SMYD3: variants seen among roughly 807,000 people sequenced by gnomAD.
The protein encoded by SMYD3 is histone-lysine N-methyltransferase SMYD3.
SMYD3 carries 36 observed loss-of-function variants against 57.7 expected under a neutral mutation model. The ratio of observed to expected loss-of-function variants is 0.62; its 90% CI spans 0.48 to 0.82. The LOEUF is 0.82. Among genes scored for constraint, SMYD3 ranks in the 40% least tolerant of loss-of-function variants. The pLI is 0.00. For synonymous variants in SMYD3, 211 were observed against 195.0 expected (o/e 1.08, Z -0.68); for missense variants, 515 against 538.8 (o/e 0.96, Z 0.44).
At chr1:246,112,894 A>C (rs888467336) in intron 5 of SMYD3, among the ~76,000 whole-genome samples, 1 of 152,174 alleles carries the variant, frequency 6.6e-6, no homozygotes, top group Non-Finnish European at 1.5e-5. Flanking sequence ...AAATAGAATA[A>C]ATTTAGGCGG....
chr1:246,217,843 T>C (rs935137929), intron 5 of SMYD3, among the ~76,000 whole-genome samples: 2 of 152,130 alleles, frequency 1.3e-5, no homozygotes, highest in Non-Finnish European at 2.9e-5. Flanking sequence ...TCAGTACGAA[T>C]GAAGTCAACT....
chr1:246,125,118 C>T (rs983028275), intron 5 of SMYD3, among the ~76,000 whole-genome samples: 4 of 144,632 alleles, frequency 2.8e-5, no homozygotes, highest in Non-Finnish European at 6.0e-5. Context: ...CTGGAATTTC[C>T]CTTATGGAGT....
At chr1:246,009,444 A>G (rs1039457374) in intron 5 of SMYD3, among the ~76,000 whole-genome samples, 10 of 152,186 alleles carry the variant, frequency 6.6e-5, no homozygotes, top group African/African-American at 2.4e-4. Context: ...ACATTTTTTG[A>G]AGTCACAGAA....
At chr1:246,022,424 C>T (rs754054845) in intron 5 of SMYD3, among the ~76,000 whole-genome samples, 13 of 152,172 alleles carry the variant, frequency 8.5e-5, no homozygotes, top group African/African-American at 1.4e-4. Flanking sequence ...TCTGGAGCCA[C>T]GCAGCCTTGC....
chr1:246,503,948 C>T (rs1475654313), intron 1 of SMYD3, among the ~76,000 whole-genome samples: 4 of 88,744 alleles, frequency 4.5e-5, no homozygotes, highest in Non-Finnish European at 6.4e-5. Context: ...GAGCAAAACT[C>T]CATCTTAAAA....
chr1:246,291,744 A>G (rs1271487098), intron 5 of SMYD3, among the ~76,000 whole-genome samples: 1 of 152,218 alleles, frequency 6.6e-6, no homozygotes, highest in African/African-American at 2.4e-5. Flanking sequence ...ATCATAGTTA[A>G]CTTGCAGAAT....
At chr1:245,955,669 A>T (rs2057817887) in intron 5 of SMYD3, among the ~76,000 whole-genome samples, 1 of 152,128 alleles carries the variant, frequency 6.6e-6, no homozygotes, top group African/African-American at 2.4e-5. Context: ...TATAAATTAA[A>T]CTTTATTGTA....
intron 5 of SMYD3, among the ~76,000 whole-genome samples, chr1:245,991,722 C>G (rs896300957): frequency 6.6e-6 from 1 of 152,252 alleles, no homozygotes; most frequent in African/African-American, 2.4e-5. Context: ...CTGACCAAAA[C>G]AGAAGCCAAT....
chr1:246,321,613 T>A (rs928399396), intron 5 of SMYD3: 1 of 151,548 alleles, frequency 6.6e-6, no homozygotes, highest in African/African-American at 2.4e-5. Context: ...AATCCTCCCA[T>A]CTCAGCACAC....
At chr1:246,431,528 G>C (rs896651105) in intron 1 of SMYD3, among the ~76,000 whole-genome samples, 1 of 152,132 alleles carries the variant, frequency 6.6e-6, no homozygotes, top group African/African-American at 2.4e-5. Context: ...CCAGGAGTTC[G>C]AGACCAGCCT....
intron 10 of SMYD3, among the ~76,000 whole-genome samples, chr1:245,816,529 A>AAAG (rs974838120): frequency 6.6e-6 from 1 of 150,712 alleles, no homozygotes; most frequent in African/African-American, 2.4e-5. Flanking sequence ...AAAAAAAAAA[A>AAAG]AAAAAAAAAA....
intron 5 of SMYD3, 120 bp downstream of exon 5, chr1:246,327,081 T>G: frequency 8.8e-7 from 1 of 1,136,950 alleles, no homozygotes; most frequent in Admixed American, 1.9e-5. Context: ...AAGGAAGTAA[T>G]ATAAGGCATT....
At chr1:246,111,166 T>C (rs1401209385) in intron 5 of SMYD3, among the ~76,000 whole-genome samples, 1 of 152,156 alleles carries the variant, frequency 6.6e-6, no homozygotes, top group Non-Finnish European at 1.5e-5. Flanking sequence ...TAGTTCATTA[T>C]AAGTTTCATC....
intron 5 of SMYD3, among the ~76,000 whole-genome samples, chr1:246,010,844 GC>G (rs976679181): frequency 3.9e-4 from 59 of 152,296 alleles, no homozygotes; most frequent in Admixed American, 3.7e-3. Flanking sequence ...AAAACATTAA[GC>G]TAAAGAAGGT....
At chr1:246,312,770 A>G (rs773937937) in intron 5 of SMYD3, among the ~76,000 whole-genome samples, 15 of 152,198 alleles carry the variant, frequency 9.9e-5, no homozygotes, top group Non-Finnish European at 1.5e-4. Context: ...CCAGAGACAA[A>G]TCAGCAAATA....
chr1:245,827,361 C>T (rs537798861), intron 10 of SMYD3, among the ~76,000 whole-genome samples: 19 of 152,276 alleles, frequency 1.2e-4, no homozygotes, highest in African/African-American at 3.6e-4. Flanking sequence ...CCTGTGGCTG[C>T]GCTGCCCATT....
intron 8 of SMYD3, among the ~76,000 whole-genome samples, chr1:245,902,917 G>A (rs560203994): frequency 1.7e-4 from 26 of 152,238 alleles, no homozygotes; most frequent in East Asian, 7.7e-4. Context: ...ATGCACAGAC[G>A]TAAGGACACG....
intron 7 of SMYD3, among the ~76,000 whole-genome samples, chr1:245,925,661 C>A (rs1191509338): frequency 6.6e-6 from 1 of 152,124 alleles, no homozygotes; most frequent in Non-Finnish European, 1.5e-5. Flanking sequence ...TTAGAGTAAG[C>A]TCAATATAAT....
intron 10 of SMYD3, among the ~76,000 whole-genome samples, chr1:245,821,477 T>C (rs1319236756): frequency 1.4e-5 from 2 of 147,398 alleles, no homozygotes; most frequent in African/African-American, 4.9e-5. Flanking sequence ...ATTCAGGACA[T>C]AGGCATGGGC....
Sources: gnomAD v4.1 joint callset for allele counts (sites outside exome capture counted in the v4.1 genomes callset) on GRCh38, gnomAD v4.1.1 for gene constraint, MANE v1.5 for transcripts, NCBI Gene and HGNC (gene_info 2026-07-23, HGNC 2026-07-21) for gene names.